Variants in TSNAX observed in about 807,000 individuals in gnomAD.
TSNAX encodes the protein translin associated factor X.
A neutral mutation model predicts 33.0 loss-of-function variants in TSNAX; 12 were observed. The observed-to-expected ratio is 0.36, with a 90% CI of 0.23 to 0.59. TSNAX has a LOEUF of 0.59. TSNAX is among the 20% of genes least tolerant of loss of function. The pLI, the probability that TSNAX is intolerant of heterozygous loss-of-function variation, is 0.74. For synonymous variants in TSNAX, 110 were observed against 117.2 expected (o/e 0.94, Z 0.40); for missense variants, 267 against 341.3 (o/e 0.78, Z 1.72).
intron 3 of TSNAX, among the ~76,000 whole-genome samples, chr1:231,538,345 A>G (rs1047135415): frequency 6.6e-6 from 1 of 152,238 alleles, no homozygotes; most frequent in African/African-American, 2.4e-5. Flanking sequence ...AGTTGTAATC[A>G]TATTATTCAT....
At chr1:231,531,627 TATCTC>T (rs2124874128) in intron 2 of TSNAX, among the ~76,000 whole-genome samples, 1 of 152,304 alleles carries the variant, frequency 6.6e-6, no homozygotes, top group South Asian at 2.1e-4. Context: ...GCCTAGTTAT[TATCTC>T]AGTAATAAAA....
chr1:231,544,916 A>C (rs998608864), intron 4 of TSNAX, among the ~76,000 whole-genome samples: 3 of 148,090 alleles, frequency 2.0e-5, no homozygotes, highest in African/African-American at 2.5e-5. Flanking sequence ...ATTGAGGATT[A>C]TTATAAGCAC....
At chr1:231,543,837 G>T (rs1199151148) in intron 4 of TSNAX, among the ~76,000 whole-genome samples, 1 of 152,098 alleles carries the variant, frequency 6.6e-6, no homozygotes, top group East Asian at 1.9e-4. Context: ...AATATCAGGG[G>T]TTTATTTGAT....
intron 2 of TSNAX, chr1:231,534,715 C>A (rs1019194189): frequency 6.6e-6 from 1 of 152,154 alleles, no homozygotes; most frequent in Non-Finnish European, 1.5e-5. Flanking sequence ...ACCCTTAGTA[C>A]GTTTATCTCA....
Position 231,528,712 on chromosome 1 carries a change from T to TGCAGGCTGTTTTCCC in TSNAX, c.-98_-84dup. 1.4e-6 allele frequency: 2 copies of TGCAGGCTGTTTTCCC among 1,453,410 alleles called. No homozygotes were observed. The highest frequency in any genetic ancestry group is 4.6e-5 in the East Asian group (2 of 43,538). 90.0% of individuals were successfully genotyped at this position (1,453,410 alleles called of 1,614,324 possible). On this transcript the variant is annotated 5_prime_UTR_variant, in exon 1 of 6. Transcript: ENST00000366639. ...TCGGCCCGGCTGCAAAGCGTTTTTC[T>TGCAGGCTGTTTTCCC]GCAGGCTGTTTTCCCAGGTTCCCTC...
chr1:231,564,951 G>T lies in TSNAX; in HGVS notation c.*46G>T. 3 of 1,564,576 alleles carry T rather than the reference G, an allele frequency of 1.9e-6. No homozygotes were observed. The highest frequency in any genetic ancestry group is 2.6e-6 in the Non-Finnish European group (3 of 1,157,292). ...CTAATTCTTTTGAGAACTCCTAAGA[G>T]ACCAATTTGTAAGACTTATTTAGTA... On this transcript the variant is annotated 3_prime_UTR_variant, in exon 6 of 6. Transcript: ENST00000366639.
chr1:231,530,687 G>T (rs1658636288), intron 2 of TSNAX, among the ~76,000 whole-genome samples: 2 of 150,904 alleles, frequency 1.3e-5, no homozygotes, highest in African/African-American at 4.9e-5. Context: ...CTCCAGCCTG[G>T]GCAACAGAGC....
At chr1:231,545,412 C>A (rs377148966) in intron 4 of TSNAX, among the ~76,000 whole-genome samples, 106 of 152,122 alleles carry the variant, frequency 7.0e-4, no homozygotes, top group African/African-American at 2.4e-3. Context: ...AATAATTGAA[C>A]AACAACAAAA....
chr1:231,531,027 G>C (rs893884084), intron 2 of TSNAX, among the ~76,000 whole-genome samples: 10 of 151,272 alleles, frequency 6.6e-5, no homozygotes, highest in Non-Finnish European at 1.3e-4. Flanking sequence ...CACGATCTTG[G>C]CTCACTGCAA....
intron 3 of TSNAX, among the ~76,000 whole-genome samples, chr1:231,538,931 C>CA (rs548749042): frequency 0.042 from 2,593 of 61,948 alleles, 57 homozygotes; most frequent in African/African-American, 0.1. Flanking sequence ...GACCCTGTCT[C>CA]AAAAAAAAAA....
chr1:231,540,173 CAAA>C (rs10714707), intron 3 of TSNAX, among the ~76,000 whole-genome samples: 1,137 of 70,254 alleles, frequency 0.016, 4 homozygotes, highest in African/African-American at 0.049. Context: ...GACTCTGTCT[CAAA>C]AAAAAAAAAA....
intron 4 of TSNAX, among the ~76,000 whole-genome samples, chr1:231,560,533 G>A (rs900266673): frequency 1.4e-5 from 2 of 146,920 alleles, no homozygotes; most frequent in African/African-American, 5.0e-5. Context: ...TCCTGCCTCA[G>A]CCTCCCGAGT....
intron 2 of TSNAX, among the ~76,000 whole-genome samples, chr1:231,530,118 C>T (rs762110789): frequency 5.9e-5 from 9 of 152,166 alleles, no homozygotes; most frequent in Non-Finnish European, 1.5e-5. Flanking sequence ...ATCTGGCCTC[C>T]TTCAGAGAGA....
In TSNAX at chr1:231,564,797, T is replaced by C. The variant is rs1558141361; in HGVS notation, c.765T>C (p.Asn255=). 6.2e-7 allele frequency: 1 copy of C among 1,614,196 alleles called. No homozygotes were observed. Among genetic ancestry groups the C allele is most frequent in the Non-Finnish European group, 8.5e-7 (1 of 1,180,030 alleles). Residue 255 remains asparagine, a synonymous_variant, in exon 6 of 6, where the codon AAT becomes AAC. Coordinates refer to ENST00000366639, the MANE Select transcript of TSNAX (RefSeq NM_005999.3). The part of the protein sequence containing the change: ...TLKQSLAKVE[N]ACYALKVRGS... ...AACAAAGTTTGGCCAAAGTGGAGAA[T>C]GCTTGTTATGCCTTGAAAGTCAGAG...
intron 3 of TSNAX, among the ~76,000 whole-genome samples, chr1:231,538,592 T>C (rs1374842062): frequency 6.6e-6 from 1 of 152,232 alleles, no homozygotes; most frequent in African/African-American, 2.4e-5. Flanking sequence ...CGGATTGTTG[T>C]TACAAATTCC....
rs1661340880 is a variant in TSNAX at position 231,565,082 on chromosome 1, A to G, written c.*177A>G. ...AAATTAGCCAAATGAATCATTTCTT[A>G]TATCTTATTCATGAAAGTTTGCATA... On this transcript the variant is annotated 3_prime_UTR_variant, in exon 6 of 6. Transcript: ENST00000366639. The G allele has an allele frequency of 5.1e-6, 4 of 787,076 alleles. No individual in the cohort carries two copies. Among genetic ancestry groups the G allele is most frequent in the Admixed American group, 3.2e-5 (1 of 31,168 alleles). 48.8% of individuals were successfully genotyped at this position (787,076 alleles called of 1,614,324 possible). A position where few individuals can be genotyped will look rare whatever the true frequency, so the allele number is the denominator to read the frequency against.
intron 5 of TSNAX, among the ~76,000 whole-genome samples, chr1:231,562,860 G>A (rs1661203123): frequency 6.6e-6 from 1 of 152,094 alleles, no homozygotes; most frequent in South Asian, 2.1e-4. Flanking sequence ...AAAAAGTTTT[G>A]TGAAAAATTT....
intron 4 of TSNAX, among the ~76,000 whole-genome samples, chr1:231,543,989 G>A (rs1396368430): frequency 6.6e-6 from 1 of 152,132 alleles, no homozygotes; most frequent in Non-Finnish European, 1.5e-5. Flanking sequence ...TGAAGTAAAA[G>A]GTAAATCAAG....
intron 4 of TSNAX, among the ~76,000 whole-genome samples, chr1:231,559,221 TAAAC>T (rs1279560137): frequency 6.6e-6 from 1 of 152,176 alleles, no homozygotes; most frequent in East Asian, 1.9e-4. Context: ...AAAAGTTTCT[TAAAC>T]TAACAATAAT....
Sources: gnomAD v4.1 joint callset for allele counts (sites outside exome capture counted in the v4.1 genomes callset) on GRCh38, gnomAD v4.1.1 for gene constraint, MANE v1.5 for transcripts, NCBI Gene and HGNC (gene_info 2026-07-23, HGNC 2026-07-21) for gene names.